Variants in CD163 observed in about 807,000 individuals in gnomAD.
CD163 encodes scavenger receptor cysteine-rich type 1 protein M130.
A neutral mutation model predicts 129.2 loss-of-function variants in CD163; 64 were observed. The ratio of observed to expected loss-of-function variants is 0.50; its 90% CI spans 0.41 to 0.61. The LOEUF (loss-of-function observed/expected upper bound fraction) is 0.61, where lower values mean the gene tolerates loss of function less well. Ranked by LOEUF, CD163 falls within the 20% of genes least tolerant of loss-of-function variation. The pLI is 0.00. For missense variants in CD163, 1,061 were observed against 1,377.9 expected (o/e 0.77, Z 3.64); for synonymous variants, 446 against 478.5 (o/e 0.93, Z 0.89).
rs116379607 is a variant in CD163 at position 7,502,350 on chromosome 12, T to C, written c.133+128A>G. ...ATTGTGTGCTTTTAATAATATCTGA[T>C]CCTTTGAATACATGGAGCATGTCAC... On this transcript the variant is annotated intron_variant, in intron 2 of 16. Coordinates refer to ENST00000432237, the MANE Select transcript of CD163 (RefSeq NM_203416.4). 1,045 of 738,256 alleles carry C rather than the reference T, an allele frequency of 1.4e-3. 8 individuals carry two copies. The African/African-American group carries it at 0.014, about 10-fold the overall frequency. The allele number at this position is 738,256 out of a possible 1,614,324, so 45.7% of individuals were successfully genotyped here.
chr12:7,477,986 A>G (rs1472354038), intron 16 of CD163, among the ~76,000 whole-genome samples: 1 of 152,164 alleles, frequency 6.6e-6, no homozygotes, highest in Non-Finnish European at 1.5e-5. Flanking sequence ...TATAGATGTA[A>G]GCATTGTATT....
intron 14 of CD163, 84 bp from the exon 15 acceptor site, chr12:7,481,340 A>C (rs1949159497): frequency 1.0e-6 from 1 of 959,040 alleles, no homozygotes; most frequent in African/African-American, 1.6e-5. Flanking sequence ...CAAGCGCTGC[A>C]AACATACCTC....
At chr12:7,483,842 T>TATATATATATATATATATA (rs71067190) in intron 11 of CD163, 167 bp from the exon 12 acceptor site, 2 of 61,890 alleles carry the variant, frequency 3.2e-5, no homozygotes, top group African/African-American at 1.2e-4. Flanking sequence ...TATATATATA[T>TATATATATATATATATATA]TTTTTTTTTT....
rs370234977 is a variant in CD163 at position 7,482,726 on chromosome 12, C to T, written c.3164G>A (p.Gly1055Glu). ...GGCCAACAGAACAACCCCAAGGATC[C>T]CGACTGCAATAAAGGATGACTGACG... ...SSRQSSFIAVGILGVVLLAIF... is the reference protein window; with the variant it reads ...SSRQSSFIAVEILGVVLLAIF... The change falls in exon 14 of 17, where the codon GGG (glycine) becomes GAG (glutamate). Residue 1055 changes from glycine to glutamate, a missense_variant. By Grantham distance (98) the Gly-to-Glu change is moderately conservative. Coordinates refer to ENST00000432237, the MANE Select transcript of CD163 (RefSeq NM_203416.4). 48 of 1,613,956 alleles carry T rather than the reference C, an allele frequency of 3.0e-5. No individual in the cohort carries two copies. In the African/African-American group the frequency reaches 6.3e-4, roughly 21 times the overall value.
At chr12:7,481,755 A>G (rs2136695728) in intron 14 of CD163, among the ~76,000 whole-genome samples, 1 of 152,262 alleles carries the variant, frequency 6.6e-6, no homozygotes, top group Non-Finnish European at 1.5e-5. Context: ...CTTATGTGAA[A>G]CATAAGAACT....
At chr12:7,495,435 C>T in intron 5 of CD163, 34 bp from the exon 6 acceptor site, 5 of 1,578,938 alleles carry the variant, frequency 3.2e-6, no homozygotes, top group Non-Finnish European at 4.3e-6. Flanking sequence ...ACCATCGATA[C>T]ATATGGAGGT....
rs1015778849 is a variant in CD163, at chr12:7,495,276, C to A, written c.1225G>T (p.Val409Leu). The A allele has an allele frequency of 1.2e-6, 2 of 1,614,006 alleles. No individual in the cohort carries two copies. The highest frequency in any genetic ancestry group is 1.7e-6 in the Non-Finnish European group (2 of 1,180,000). ...DRGWGLKEADVVCRQLGCGSA... is the reference protein window; with the variant it reads ...DRGWGLKEADLVCRQLGCGSA... Reference sequence around the variant, plus strand: ...CCACATCCCAGCTGCCTGCAAACCACATCAGCTTCTTTCAGTCCCCAGCCT... The same window carrying A: ...CCACATCCCAGCTGCCTGCAAACCAAATCAGCTTCTTTCAGTCCCCAGCCT... The change falls in exon 6 of 17, where the codon GTG (valine) becomes TTG (leucine). Residue 409 changes from valine to leucine, a missense_variant. Transcript: ENST00000432237.
chr12:7,498,828 C>T (rs1434680710), intron 4 of CD163, 40 bp downstream of exon 4: 1 of 1,555,338 alleles, frequency 6.4e-7, no homozygotes, highest in South Asian at 1.2e-5. Flanking sequence ...TTTCTTTTGT[C>T]CTCTCCTGGA....
intron 11 of CD163, among the ~76,000 whole-genome samples, chr12:7,484,348 A>G (rs1417960102): frequency 6.6e-6 from 1 of 152,168 alleles, no homozygotes; most frequent in Non-Finnish European, 1.5e-5. Flanking sequence ...ACAGTTTAAG[A>G]AGATGTAGAG....
Position 7,503,731 on chromosome 12 carries a change from T to G in CD163, c.-41A>C. On this transcript the variant is annotated 5_prime_UTR_variant, in exon 1 of 17. Coordinates refer to ENST00000432237, the MANE Select transcript of CD163 (RefSeq NM_203416.4). ...CTTCAATGATTCCTAAATCTTCTTG[T>G]ATTATTCCCTAGAAATGTTCTTCTA... 1 of 1,217,400 alleles carries G rather than the reference T, an allele frequency of 8.2e-7. No homozygotes were observed. Among genetic ancestry groups the G allele is most frequent in the Non-Finnish European group, 1.2e-6 (1 of 839,892 alleles). The allele number at this position is 1,217,400 out of a possible 1,614,324, so 75.4% of individuals were successfully genotyped here.
intron 16 of CD163, among the ~76,000 whole-genome samples, chr12:7,475,588 T>C (rs1949076339): frequency 1.3e-5 from 2 of 152,110 alleles, no homozygotes; most frequent in Admixed American, 1.3e-4. Context: ...GAAACGTATC[T>C]CAAAATAATA....
In CD163 at chr12:7,487,082, G is replaced by C; in HGVS notation, c.2051-96C>G. 2 of 969,698 alleles carry C rather than the reference G, an allele frequency of 2.1e-6. No individual in the cohort carries two copies. The allele number at this position is 969,698 out of a possible 1,614,324, so 60.1% of individuals were successfully genotyped here. On this transcript the variant is annotated intron_variant, in intron 8 of 16. Coordinates refer to ENST00000432237, the MANE Select transcript of CD163 (RefSeq NM_203416.4). This position sits in a 1 kb window ranked among gnomAD's most constrained non-coding sequence, Gnocchi z 5.1. ...ATGAGTTGAGGACAAACATAGCTTA[G>C]AGAGAGAGGGGAAGGTGGATGGTCA...
At chr12:7,502,784 C>T (rs757645084) in intron 1 of CD163, 7 of 575,128 alleles carry the variant, frequency 1.2e-5, no homozygotes, top group Middle Eastern at 2.6e-4. Flanking sequence ...CTAGAGGTGA[C>T]GGATTAGCAG....
In CD163 at chr12:7,482,703, C is replaced by A. The variant is rs765012543; in HGVS notation, c.3187G>T (p.Ala1063Ser). 1 of 1,614,094 alleles carries A rather than the reference C, an allele frequency of 6.2e-7. No homozygotes were observed. Among genetic ancestry groups the A allele is most frequent in the Non-Finnish European group, 8.5e-7 (1 of 1,179,970 alleles). ...AVGILGVVLL[A>S]IFVALFFLTK... ...AAGAAGAATAATGCGACGAAAATGG[C>A]CAACAGAACAACCCCAAGGATCCCG... The change falls in exon 14 of 17, where the codon GCC (alanine) becomes TCC (serine). Residue 1063 changes from alanine (A) to serine (S), a missense_variant. Coordinates refer to ENST00000432237, the MANE Select transcript of CD163 (RefSeq NM_203416.4).
chr12:7,491,253 G>C (rs1340953591), intron 6 of CD163, among the ~76,000 whole-genome samples: 2 of 152,046 alleles, frequency 1.3e-5, no homozygotes, highest in Non-Finnish European at 2.9e-5. Context: ...ACATATTTGA[G>C]TCAAGGCAGA....
At chr12:7,490,323 A>T (rs1443461784) in intron 6 of CD163, among the ~76,000 whole-genome samples, 3 of 151,990 alleles carry the variant, frequency 2.0e-5, no homozygotes, top group Non-Finnish European at 2.9e-5. Flanking sequence ...CTGTAGCTGA[A>T]ATTTAAAATA....
chr12:7,489,461 A>C (rs1428161788), intron 6 of CD163, among the ~76,000 whole-genome samples: 1 of 152,078 alleles, frequency 6.6e-6, no homozygotes, highest in African/African-American at 2.4e-5. Flanking sequence ...GATCCCTTAC[A>C]TAATTTCTTA....
chr12:7,499,222 A>G, intron 3 of CD163, 34 bp from the exon 4 acceptor site: 1 of 1,547,752 alleles, frequency 6.5e-7, no homozygotes, highest in Non-Finnish European at 8.7e-7. Flanking sequence ...TTCAGAAGTT[A>G]CATTCATTTA....
chr12:7,477,970 T>C (rs1949111020), intron 16 of CD163, among the ~76,000 whole-genome samples: 1 of 152,170 alleles, frequency 6.6e-6, no homozygotes, highest in Non-Finnish European at 1.5e-5. Context: ...TATGAATGCA[T>C]AATTTTATAG....
Sources: allele counts gnomAD v4.1 joint callset (sites outside exome capture counted in the v4.1 genomes callset), GRCh38; gene constraint gnomAD v4.1.1; non-coding constraint Gnocchi (gnomAD v3.1); transcripts MANE v1.5; gene names NCBI Gene and HGNC (gene_info 2026-07-23, HGNC 2026-07-21).